The following ECE1 variants were observed in gnomAD, a reference collection of about 807,000 sequenced individuals.
ECE1 encodes the protein endothelin-converting enzyme 1.
In ECE1, 35 loss-of-function variants were observed where a neutral mutation model predicts 98.6. The ratio of observed to expected loss-of-function variants is 0.35; its 90% CI spans 0.27 to 0.47. The LOEUF is 0.47. Among genes scored for constraint, ECE1 ranks in the 20% least tolerant of loss-of-function variants. The probability of loss-of-function intolerance (pLI) is 1.00; values close to 1 mark genes in which losing one functional copy is unlikely to be tolerated. For synonymous variants in ECE1, 394 were observed against 407.1 expected, an observed-to-expected ratio of 0.97 and a Z score of 0.39; for missense variants, 814 against 1,025.3, an observed-to-expected ratio of 0.79 and a Z score of 2.81.
At chr1:21,326,881 T>A (rs3026822) in intron 1 of ECE1, among the ~76,000 whole-genome samples, 8,032 of 152,160 alleles carry the variant, frequency 0.053, 734 homozygotes, top group African/African-American at 0.18. Flanking sequence ...GTCTCCTTTC[T>A]CTTCATGACA....
In ECE1 at chr1:21,249,939, A is replaced by ATTT. The variant is rs71014176; in HGVS notation, c.1021-2579_1021-2577dup. On this transcript the variant is annotated intron_variant, in intron 8 of 18. Coordinates refer to ENST00000374893, the MANE Select transcript of ECE1 (RefSeq NM_001397.3). ...CAGGCACATGCCACCACCTTGGCTA[A>ATTT]TTTTTTTTTTTTTTTTTTTAATAGA... 2.4e-3 allele frequency among the ~76,000 whole-genome samples: 318 copies of ATTT among 134,772 alleles called. 2 individuals carry two copies. The highest frequency in any genetic ancestry group is 6.2e-3 in the African/African-American group (222 of 36,012). The allele number at this position is 134,772 out of a possible 152,430, so 88.4% of individuals were successfully genotyped here.
chr1:21,264,309 TCC>T (rs752018050), intron 4 of ECE1, among the ~76,000 whole-genome samples: 9 of 71,240 alleles, frequency 1.3e-4, no homozygotes, highest in African/African-American at 4.5e-4. Flanking sequence ...ATATACCAAT[TCC>T]CCCCCCCCCT....
At chr1:21,234,091 A>G (rs2098185149) in intron 13 of ECE1, among the ~76,000 whole-genome samples, 1 of 151,678 alleles carries the variant, frequency 6.6e-6, no homozygotes, top group African/African-American at 2.4e-5. Flanking sequence ...GGTTTAAGTG[A>G]TTCTCGTGCC....
intron 8 of ECE1, among the ~76,000 whole-genome samples, chr1:21,253,693 G>T (rs1184341609): frequency 2.0e-5 from 3 of 150,136 alleles, no homozygotes; most frequent in Non-Finnish European, 4.4e-5. Context: ...AACCCAGGAG[G>T]TGGAGCTTGC....
In ECE1 at chr1:21,225,364, G is replaced by C; in HGVS notation, c.1926C>G (p.Thr642=). ...TGCTGTACTGCTCTACCATGCACTC[G>C]GTCTGACGCTTGAAGGCCTCCACGG... The part of the protein sequence containing the change: ...NSSVEAFKRQ[T]ECMVEQYSNY... Residue 642 remains threonine (T), a synonymous_variant, in exon 17 of 19, where the codon ACC becomes ACG. Coordinates refer to ENST00000374893, the MANE Select transcript of ECE1 (RefSeq NM_001397.3). The surrounding 1 kb of genome is among the most constrained non-coding windows in gnomAD (Gnocchi z 5.3). 6.2e-7 allele frequency: 1 copy of C among 1,614,198 alleles called. No homozygotes were observed.
intron 1 of ECE1, among the ~76,000 whole-genome samples, chr1:21,339,185 G>C (rs1269230950): frequency 6.6e-6 from 1 of 152,208 alleles, no homozygotes; most frequent in Admixed American, 6.5e-5. Flanking sequence ...TTCTAGTTCT[G>C]CTACTGATTG....
Position 21,235,405 on chromosome 1 carries a change from C to T in ECE1, c.1566+445G>A, listed in dbSNP as rs184406813. ...GGTTTCTGGGGAGGTGGAGGAGGGC[C>T]GCAGGGACAGGAGGTAACTGGAAGC... On this transcript the variant is annotated intron_variant, in intron 13 of 18. Transcript: ENST00000374893. The surrounding 1 kb of genome is among the most constrained non-coding windows in gnomAD (Gnocchi z 4.2). 3.9e-5 allele frequency among the ~76,000 whole-genome samples: 6 copies of T among 152,038 alleles called. No homozygotes were observed. In the East Asian group the frequency reaches 8.0e-4, roughly 20 times the overall value.
chr1:21,290,586 A>G (rs886965780), upstream of ECE1: 66 of 1,193,690 alleles, frequency 5.5e-5, no homozygotes, highest in African/African-American at 9.0e-4. The surrounding 1 kb of genome is among the most constrained non-coding windows in gnomAD (Gnocchi z 7.3). Flanking sequence ...GGAGATGGGG[A>G]CCCCTCCCTT....
intron 13 of ECE1, among the ~76,000 whole-genome samples, chr1:21,234,518 G>A (rs768363332): frequency 2.6e-5 from 4 of 150,948 alleles, no homozygotes; most frequent in Admixed American, 2.0e-4. Context: ...TTGCTCTGTC[G>A]CCCACGCTGG....
Position 21,333,144 on chromosome 1 carries a change from C to T in ECE1, c.3+12232G>A, listed in dbSNP as rs1639238653. Among the ~76,000 whole-genome samples, 3 of 152,268 alleles carry T rather than the reference C, an allele frequency of 2.0e-5. No individual in the cohort carries two copies. The South Asian group carries it at 6.2e-4, about 32-fold the overall frequency. ...TCCAGGGTTCAAGCTCAAGTTGATC[C>T]CATGGCCCTTGGTCTTAACCACTAG... On this transcript the variant is annotated intron_variant, in intron 1 of 18. Transcript: ENST00000415912.
chr1:21,236,812 T>A lies in ECE1; in HGVS notation c.1422A>T (p.Ala474=), dbSNP rs369424073. ...ATEIILEIKK[A]FEESLSTLKW... is the part of the protein sequence containing the mutation. ...TCAGGGTGCTCAGGCTTTCCTCAAA[T>A]GCCTTCTTAATCTCCAGGATGATCT... is the stretch of plus-strand genomic sequence containing the variant. The change falls in exon 12 of 19, where the codon GCA becomes GCT. Residue 474 remains alanine (A), a synonymous_variant. Transcript: ENST00000374893. 3 of 1,613,880 alleles carry A rather than the reference T, an allele frequency of 1.9e-6. No individual in the cohort carries two copies. Among genetic ancestry groups the A allele is most frequent in the Non-Finnish European group, 2.5e-6 (3 of 1,180,028 alleles).
rs939376621 is a variant in ECE1, at chr1:21,345,233, C to G, written c.3+143G>C. Reference sequence around the variant, plus strand: ...GGGCGCTCCCCGACTCCACGCCTTCCGAGAGCCGGGCGGGGGCTGCTGCTG... The same window carrying G: ...GGGCGCTCCCCGACTCCACGCCTTCGGAGAGCCGGGCGGGGGCTGCTGCTG... On this transcript the variant is annotated intron_variant, in intron 1 of 18. Coordinates refer to the ECE1 transcript ENST00000415912. This position sits in a 1 kb window ranked among gnomAD's most constrained non-coding sequence, Gnocchi z 5.1. The G allele has an allele frequency of 7.2e-6, 8 of 1,116,148 alleles. No homozygotes were observed. The Admixed American group carries it at 3.8e-4, about 53-fold the overall frequency. 69.1% of individuals were successfully genotyped at this position (1,116,148 alleles called of 1,614,324 possible).
intron 18 of ECE1, among the ~76,000 whole-genome samples, 173 bp downstream of exon 18, chr1:21,221,574 T>C (rs1034920747): frequency 1.3e-5 from 2 of 152,216 alleles, no homozygotes; most frequent in African/African-American, 4.8e-5. Flanking sequence ...CCTTCACTGG[T>C]ACTTTGGGCC....
chr1:21,236,721 C>G lies in ECE1; in HGVS notation c.1488+25G>C, dbSNP rs764894804. 1.2e-5 allele frequency: 20 copies of G among 1,610,780 alleles called. No individual in the cohort carries two copies. The African/African-American group carries it at 2.4e-4, about 19-fold the overall frequency. ...ATCTGTGCTGGACGCCGCAGCACCC[C>G]CTCCAAGTGCCTGGCCAGCCTCACC... On this transcript the variant is annotated intron_variant, in intron 12 of 18. Coordinates refer to ENST00000374893, the MANE Select transcript of ECE1 (RefSeq NM_001397.3).
intron 1 of ECE1, among the ~76,000 whole-genome samples, chr1:21,318,666 G>A (rs1261355646): frequency 6.6e-6 from 1 of 152,096 alleles, no homozygotes; most frequent in Admixed American, 6.5e-5. Flanking sequence ...TCCAAGCAGA[G>A]GTGGCAAAAT....
At chr1:21,234,237 C>T (rs1359846624) in intron 13 of ECE1, among the ~76,000 whole-genome samples, 1 of 151,968 alleles carries the variant, frequency 6.6e-6, no homozygotes, top group Non-Finnish European at 1.5e-5. Flanking sequence ...ATCAGCCCAC[C>T]TTGGCATCCC....
Position 21,227,850 on chromosome 1 carries a change from G to A in ECE1, c.1781+81C>T, listed in dbSNP as rs1221478529. The A allele has an allele frequency of 5.3e-6, 6 of 1,131,164 alleles. No homozygotes were observed. The South Asian group carries it at 6.8e-5, about 13-fold the overall frequency. 70.1% of individuals were successfully genotyped at this position (1,131,164 alleles called of 1,614,324 possible). Reference sequence around the variant, plus strand: ...GAAGCACTGGGGCAAAGATCACATGGTGAGACTGGCTTAGGTCGTATGGGC... The same window carrying A: ...GAAGCACTGGGGCAAAGATCACATGATGAGACTGGCTTAGGTCGTATGGGC... On this transcript the variant is annotated intron_variant, in intron 15 of 18. Coordinates refer to ENST00000374893, the MANE Select transcript of ECE1 (RefSeq NM_001397.3).
At position 21,256,158 on chromosome 1, in the gene ECE1, A is replaced by C; in HGVS notation, c.829-20T>G. ...CAGCACCTGCAGGGCCCATACCCCA[A>C]ACTGTCAGTGGCTGCCCCCCCACTA... On this transcript the variant is annotated intron_variant, in intron 7 of 18. Transcript: ENST00000374893. 6.3e-7 allele frequency: 1 copy of C among 1,589,940 alleles called. No homozygotes were observed. The highest frequency in any genetic ancestry group is 1.1e-5 in the South Asian group (1 of 89,560).
chr1:21,247,040 T>C (rs2098204634), intron 9 of ECE1, among the ~76,000 whole-genome samples, 181 bp downstream of exon 9: 2 of 152,304 alleles, frequency 1.3e-5, no homozygotes, highest in South Asian at 4.1e-4. Context: ...ACAAAGCTGG[T>C]AGTTTGAAAG....
Sources: allele counts gnomAD v4.1 joint callset (sites outside exome capture counted in the v4.1 genomes callset), GRCh38; gene constraint gnomAD v4.1.1; non-coding constraint Gnocchi (gnomAD v3.1); transcripts MANE v1.5; gene names NCBI Gene and HGNC (gene_info 2026-07-23, HGNC 2026-07-21).